Variants in FBXO34 observed in about 807,000 individuals in gnomAD.
FBXO34 encodes F-box only protein 34.
A neutral mutation model predicts 24.5 loss-of-function variants in FBXO34; 12 were observed. The ratio of observed to expected loss-of-function variants is 0.49; its 90% CI spans 0.31 to 0.79. The LOEUF (loss-of-function observed/expected upper bound fraction) is 0.79, where lower values mean the gene tolerates loss of function less well. Among genes scored for constraint, FBXO34 ranks in the 30% least tolerant of loss-of-function variants. FBXO34 has a pLI of 0.04. For synonymous variants in FBXO34, 320 were observed against 311.9 expected (o/e 1.03, Z -0.27); for missense variants, 823 against 857.7 (o/e 0.96, Z 0.51).
downstream of FBXO34, chr14:55,368,450 C>T (rs577382170): frequency 6.6e-6 from 1 of 152,374 alleles, no homozygotes; most frequent in Non-Finnish European, 1.5e-5. Context: ...AAACTCCTGA[C>T]CTCAAGTGAT....
At chr14:55,314,761 C>A (rs1395483870) in intron 1 of FBXO34, among the ~76,000 whole-genome samples, 1 of 152,170 alleles carries the variant, frequency 6.6e-6, no homozygotes, top group Non-Finnish European at 1.5e-5. Flanking sequence ...GAACTTTTAT[C>A]ACTATTCTTA....
Position 55,352,248 on chromosome 14 carries a change from C to A in FBXO34, c.1858C>A (p.Arg620Ser), listed in dbSNP as rs1884414127. Residue 620 changes from arginine (R) to serine (S), a missense_variant, in exon 2 of 2, where the codon CGC becomes AGC. By Grantham distance (110) the Arg-to-Ser change is moderately radical. Coordinates refer to ENST00000313833, the MANE Select transcript of FBXO34 (RefSeq NM_017943.4). ...EYYNIRPADSRWVRDPRYRED... is the reference protein window; with the variant it reads ...EYYNIRPADSSWVRDPRYRED... ...CTACAATATCAGGCCAGCAGATTCTCGCTGGGTTCGAGATCCACGCTATAG... is the reference window on the plus strand; with the variant it reads ...CTACAATATCAGGCCAGCAGATTCTAGCTGGGTTCGAGATCCACGCTATAG... 1.2e-6 allele frequency: 2 copies of A among 1,613,870 alleles called. No homozygotes were observed. The highest frequency in any genetic ancestry group is 3.3e-5 in the Admixed American group (2 of 60,002).
At chr14:55,291,796 C>T (rs140920668) in intron 1 of FBXO34, among the ~76,000 whole-genome samples, 1 of 151,576 alleles carries the variant, frequency 6.6e-6, no homozygotes, top group Admixed American at 6.6e-5. Context: ...CATAGGGAGA[C>T]CCTGTCTTTA....
chr14:55,347,894 G>T (rs545491121), intron 1 of FBXO34, among the ~76,000 whole-genome samples: 6 of 152,340 alleles, frequency 3.9e-5, no homozygotes, highest in African/African-American at 1.4e-4. Context: ...AGATCATTAT[G>T]TGAGAATTTA....
chr14:55,286,644 G>C (rs1998999), intron 1 of FBXO34, among the ~76,000 whole-genome samples: 2,153 of 152,218 alleles, frequency 0.014, 56 homozygotes, highest in African/African-American at 0.049. Flanking sequence ...GTTAATGATT[G>C]TAAGCCCCTA....
At chr14:55,406,985 G>A in the FBXO34 span, among the ~76,000 whole-genome samples, 2 of 143,904 alleles carry the variant, frequency 1.4e-5, no homozygotes, top group African/African-American at 5.2e-5. Context: ...TTTTTGAGAT[G>A]GAGTCTAGCT....
chr14:55,335,127 C>G (rs1020834566), intron 1 of FBXO34, among the ~76,000 whole-genome samples: 1 of 152,078 alleles, frequency 6.6e-6, no homozygotes, highest in Non-Finnish European at 1.5e-5. Flanking sequence ...AGGGCAGGTG[C>G]TTTTAGTCAA....
chr14:55,341,354 G>A (rs373251929), intron 1 of FBXO34, among the ~76,000 whole-genome samples: 2 of 152,208 alleles, frequency 1.3e-5, no homozygotes, highest in African/African-American at 4.8e-5. Context: ...TTGTGAGAAA[G>A]TGCACAGATG....
At chr14:55,282,353 C>A (rs1360114010) in intron 1 of FBXO34, 4 of 459,082 alleles carry the variant, frequency 8.7e-6, no homozygotes, top group South Asian at 6.5e-5. Flanking sequence ...TTTTCTGCTT[C>A]TTGATAAGGA....
At chr14:55,397,361 A>G in the FBXO34 span, 1 of 1,611,578 alleles carries the variant, frequency 6.2e-7, no homozygotes, top group South Asian at 1.1e-5. Flanking sequence ...AAGACAAAAC[A>G]AAACACTCAC....
chr14:55,402,942 T>A, the FBXO34 span, among the ~76,000 whole-genome samples: 14 of 48,154 alleles, frequency 2.9e-4, no homozygotes, highest in African/African-American at 6.6e-4. Flanking sequence ...TATATATATA[T>A]ATATATATAT....
chr14:55,294,175 A>T (rs1882042960), intron 1 of FBXO34, among the ~76,000 whole-genome samples: 1 of 152,018 alleles, frequency 6.6e-6, no homozygotes, highest in Admixed American at 6.6e-5. Context: ...CCTCCTTGAA[A>T]CATGCTCTGT....
chr14:55,397,413 C>T, the FBXO34 span: 1 of 1,613,094 alleles, frequency 6.2e-7, no homozygotes, highest in Admixed American at 1.7e-5. Flanking sequence ...GTCGGCTTAA[C>T]CTTTCCTTCT....
intron 1 of FBXO34, among the ~76,000 whole-genome samples, chr14:55,298,361 T>C (rs1882213833): frequency 6.7e-6 from 1 of 148,872 alleles, no homozygotes. Context: ...TTGACCCTTA[T>C]TTGAACTAGG....
chr14:55,432,414 G>GA, the FBXO34 span, among the ~76,000 whole-genome samples: 18,527 of 116,060 alleles, frequency 0.16, 1,231 homozygotes, highest in Non-Finnish European at 0.18. Context: ...CCGTGTCTCA[G>GA]AAAAAAAAAA....
intron 1 of FBXO34, among the ~76,000 whole-genome samples, chr14:55,282,015 T>TTG (rs368902918): frequency 2.7e-4 from 26 of 97,026 alleles, no homozygotes; most frequent in South Asian, 3.6e-4. Context: ...TTTTTTTTTT[T>TTG]GATACAGAGT....
chr14:55,429,780 A>AG, the FBXO34 span, among the ~76,000 whole-genome samples: 1 of 151,108 alleles, frequency 6.6e-6, no homozygotes, highest in African/African-American at 2.4e-5. Flanking sequence ...AAAAAAAAAA[A>AG]AAAAAAAAAG....
At chr14:55,417,673 G>A in the FBXO34 span, among the ~76,000 whole-genome samples, 4 of 152,094 alleles carry the variant, frequency 2.6e-5, no homozygotes, top group South Asian at 4.1e-4. Flanking sequence ...TGTTGCCCAG[G>A]CTGGTCTCAA....
At chr14:55,303,601 T>C (rs1882438697) in intron 1 of FBXO34, among the ~76,000 whole-genome samples, 2 of 151,798 alleles carry the variant, frequency 1.3e-5, no homozygotes, top group Admixed American at 1.3e-4. Context: ...CTTATCTTTT[T>C]TTTTTTTTTA....
Sources: allele counts gnomAD v4.1 joint callset (sites outside exome capture counted in the v4.1 genomes callset), GRCh38; gene constraint gnomAD v4.1.1; transcripts MANE v1.5; gene names NCBI Gene and HGNC (gene_info 2026-07-23, HGNC 2026-07-21).